Variants in FRMD4A observed in about 807,000 individuals in gnomAD.
FRMD4A encodes the protein FERM domain containing 4A.
A neutral mutation model predicts 129.1 loss-of-function variants in FRMD4A; 29 were observed. The ratio of observed to expected loss-of-function variants is 0.22; its 90% CI spans 0.17 to 0.31. FRMD4A has a LOEUF of 0.31. FRMD4A is among the 10% of genes least tolerant of loss of function. The pLI is 1.00. For synonymous variants in FRMD4A, 634 were observed against 571.6 expected, an observed-to-expected ratio of 1.11 and a Z score of -1.56; for missense variants, 1,272 against 1,375.8, an observed-to-expected ratio of 0.92 and a Z score of 1.19.
Position 13,652,456 on chromosome 10 carries a change from T to C in FRMD4A, c.3051-482A>G, listed in dbSNP as rs538261377. On this transcript the variant is annotated intron_variant, in intron 23 of 24. Coordinates refer to ENST00000357447, the MANE Select transcript of FRMD4A (RefSeq NM_018027.5). ...AAGTTGGAAGATCTAGAGAGGGATC[T>C]TGCAATCTGAAGTTTCTTGTTTAGT... 2.6e-3 allele frequency: 433 copies of C among 164,740 alleles called. 1 individual carries two copies. The highest frequency in any genetic ancestry group is 0.014 in the South Asian group (85 of 5,932). 10.2% of individuals were successfully genotyped at this position (164,740 alleles called of 1,614,324 possible).
rs777877298 is a variant in FRMD4A, at chr10:13,660,337, C to T, written c.1877G>A (p.Arg626His). The change falls in exon 20 of 25, where the codon CGC (arginine) becomes CAC (histidine). Residue 626 changes from arginine to histidine, a missense_variant. Arg to His is a conservative substitution (Grantham distance 29). This residue lies in a region of FRMD4A where 972 missense variants were observed against 892.3 expected (regional missense o/e 1.09). Transcript: ENST00000357447. ...TCACCTGGAATGGCTGTGAGAGGAG[C>T]GCTTCTTGACCTTCTCATAGGGTTC... The part of the protein sequence containing the change: ...LDEPYEKVKK[R>H]SSHSHSSSHK... 9 of 1,612,342 alleles carry T rather than the reference C, an allele frequency of 5.6e-6. No homozygotes were observed. Among genetic ancestry groups the T allele is most frequent in the African/African-American group, 2.7e-5 (2 of 74,866 alleles).
chr10:14,308,369 C>T (rs1200289389), intron 2 of FRMD4A, among the ~76,000 whole-genome samples: 1 of 151,988 alleles, frequency 6.6e-6, no homozygotes, highest in Non-Finnish European at 1.5e-5. Context: ...TTCATTTTTT[C>T]TGGCATGGAT....
chr10:13,957,455 A>G (rs556298200), intron 2 of FRMD4A, among the ~76,000 whole-genome samples: 1 of 152,182 alleles, frequency 6.6e-6, no homozygotes, highest in Non-Finnish European at 1.5e-5. Flanking sequence ...GGGTTTCACC[A>G]TGTTGACCAG....
chr10:14,230,447 T>C (rs1473668475), intron 2 of FRMD4A, among the ~76,000 whole-genome samples: 5 of 152,208 alleles, frequency 3.3e-5, no homozygotes, highest in Non-Finnish European at 5.9e-5. Context: ...ACAAAATGAT[T>C]GTGAGGATTA....
chr10:13,692,338 G>C (rs1048315687), intron 15 of FRMD4A: 1 of 152,038 alleles, frequency 6.6e-6, no homozygotes, highest in Admixed American at 6.6e-5. Context: ...AGTAGAGATG[G>C]GGTTTCACTG....
At chr10:14,188,288 C>T (rs534335189) in intron 2 of FRMD4A, among the ~76,000 whole-genome samples, 1 of 152,274 alleles carries the variant, frequency 6.6e-6, no homozygotes, top group Admixed American at 6.5e-5. Flanking sequence ...TGCCTGGGCT[C>T]TTTGTGTGGT....
chr10:14,173,134 CTG>C (rs1009248381), intron 2 of FRMD4A, among the ~76,000 whole-genome samples: 3 of 152,162 alleles, frequency 2.0e-5, no homozygotes, highest in African/African-American at 7.2e-5. Flanking sequence ...TTTAACTCTG[CTG>C]TGTGTTTAGA....
chr10:13,939,241 G>A (rs1303242631), intron 2 of FRMD4A, among the ~76,000 whole-genome samples: 1 of 152,204 alleles, frequency 6.6e-6, no homozygotes, highest in African/African-American at 2.4e-5. Context: ...AACCATCCTG[G>A]AGAGCGTTTA....
At chr10:14,132,386 TGAG>T (rs1230002122) in intron 2 of FRMD4A, among the ~76,000 whole-genome samples, 8 of 152,072 alleles carry the variant, frequency 5.3e-5, no homozygotes, top group Admixed American at 6.6e-5. Flanking sequence ...ACAACCAGAA[TGAG>T]AAGTATTGAG....
At position 13,684,579 on chromosome 10, in the gene FRMD4A, C is replaced by A. The variant is rs542491210; in HGVS notation, c.1117+9319G>T. 20 of 985,492 alleles carry A rather than the reference C, an allele frequency of 2.0e-5. No individual in the cohort carries two copies. In the African/African-American group the frequency reaches 3.5e-4, roughly 17 times the overall value. 61.0% of individuals were successfully genotyped at this position (985,492 alleles called of 1,614,324 possible). On this transcript the variant is annotated intron_variant, in intron 15 of 24. Coordinates refer to ENST00000357447, the MANE Select transcript of FRMD4A (RefSeq NM_018027.5). ...AAGGACAGCCTCTTTCAGCCTCATTCAGCCGCGAGCCAGAAATGCTCCAAT... is the reference window on the plus strand; with the variant it reads ...AAGGACAGCCTCTTTCAGCCTCATTAAGCCGCGAGCCAGAAATGCTCCAAT...
intron 2 of FRMD4A, among the ~76,000 whole-genome samples, chr10:13,960,421 G>T (rs1226182215): frequency 6.6e-6 from 1 of 152,174 alleles, no homozygotes; most frequent in Non-Finnish European, 1.5e-5. Flanking sequence ...TTGTAGCCAG[G>T]GAGTAAATTG....
At chr10:14,029,069 C>A (rs114434111) in intron 2 of FRMD4A, among the ~76,000 whole-genome samples, 1,822 of 152,296 alleles carry the variant, frequency 0.012, 34 homozygotes, top group African/African-American at 0.042. Context: ...ATACGGTAGG[C>A]AAACACCGGA....
At chr10:14,184,415 T>C (rs1395455036) in intron 2 of FRMD4A, among the ~76,000 whole-genome samples, 1 of 151,660 alleles carries the variant, frequency 6.6e-6, no homozygotes, top group Non-Finnish European at 1.5e-5. Context: ...ACTGAACCCA[T>C]TTTCTATACC....
intron 2 of FRMD4A, among the ~76,000 whole-genome samples, chr10:13,880,508 G>A (rs2094534892): frequency 6.6e-6 from 1 of 152,156 alleles, no homozygotes; most frequent in South Asian, 2.1e-4. Flanking sequence ...ATTTCTGCAT[G>A]GCCTCCGTGG....
chr10:14,105,052 C>T (rs922155149), intron 2 of FRMD4A, among the ~76,000 whole-genome samples: 2 of 152,190 alleles, frequency 1.3e-5, no homozygotes, highest in African/African-American at 4.8e-5. Context: ...CAGATCCTTA[C>T]GCGTGGAGTC....
At chr10:13,731,572 C>A (rs140220106) in intron 12 of FRMD4A, among the ~76,000 whole-genome samples, 5 of 146,250 alleles carry the variant, frequency 3.4e-5, no homozygotes, top group African/African-American at 1.0e-4. Context: ...TTGCTTGAAC[C>A]GGGGAGGTGG....
chr10:14,230,309 T>C (rs11258957), intron 2 of FRMD4A, among the ~76,000 whole-genome samples: 61,592 of 152,080 alleles, frequency 0.4, 13,041 homozygotes, highest in South Asian at 0.47. Flanking sequence ...TGGAATCTGG[T>C]TCCTGTAGAC....
chr10:14,199,808 T>G (rs1842581623), intron 2 of FRMD4A, among the ~76,000 whole-genome samples: 1 of 151,436 alleles, frequency 6.6e-6, no homozygotes, highest in Non-Finnish European at 1.5e-5. Context: ...AGACATTAAT[T>G]TTGACATAAT....
At chr10:14,119,821 G>T (rs971961098) in intron 2 of FRMD4A, among the ~76,000 whole-genome samples, 5 of 152,112 alleles carry the variant, frequency 3.3e-5, no homozygotes, top group African/African-American at 1.2e-4. Flanking sequence ...GCCAAGCAAG[G>T]CTGAGGGAAT....
Sources: gnomAD v4.1 joint callset for allele counts (sites outside exome capture counted in the v4.1 genomes callset) on GRCh38, gnomAD v4.1.1 for gene constraint, gnomAD v4.1.1 regional missense constraint, MANE v1.5 for transcripts, NCBI Gene and HGNC (gene_info 2026-07-23, HGNC 2026-07-21) for gene names.